Variants in L3MBTL4 observed in about 807,000 individuals in gnomAD.
L3MBTL4 encodes L3MBTL histone methyl-lysine binding protein 4, also known as lethal(3)malignant brain tumor-like protein 4.
In L3MBTL4, 70 loss-of-function variants were observed where a neutral mutation model predicts 84.5. That is an observed-to-expected ratio of 0.83 (90% CI 0.68 to 1.01). The LOEUF (loss-of-function observed/expected upper bound fraction) is 1.01, where lower values mean the gene tolerates loss of function less well. Ranked by LOEUF, L3MBTL4 falls within the 50% of genes least tolerant of loss-of-function variation. L3MBTL4 has a pLI of 0.00. For synonymous variants in L3MBTL4, 274 were observed against 259.8 expected (o/e 1.05, Z -0.52); for missense variants, 715 against 754.8 (o/e 0.95, Z 0.62).
chr18:5,961,359 C>A (rs1233663469), intron 17 of L3MBTL4, among the ~76,000 whole-genome samples: 1 of 152,216 alleles, frequency 6.6e-6, no homozygotes, highest in Non-Finnish European at 1.5e-5. Flanking sequence ...TCAGGGCCAA[C>A]TCCCTCAGGG....
intron 1 of L3MBTL4, among the ~76,000 whole-genome samples, chr18:6,393,577 A>G (rs1044547013): frequency 1.3e-5 from 2 of 152,210 alleles, no homozygotes; most frequent in African/African-American, 4.8e-5. Flanking sequence ...TCAGGCGGCA[A>G]CACTCTCAGG....
At chr18:6,380,597 G>A (rs528091157) in intron 1 of L3MBTL4, among the ~76,000 whole-genome samples, 1 of 152,286 alleles carries the variant, frequency 6.6e-6, no homozygotes, top group Admixed American at 6.5e-5. Flanking sequence ...TCGGGAGCAG[G>A]TTGTTCAGTT....
intron 4 of L3MBTL4, among the ~76,000 whole-genome samples, chr18:6,283,156 C>A (rs2601551): frequency 0.032 from 4,824 of 152,226 alleles, 212 homozygotes; most frequent in African/African-American, 0.1. Context: ...TTTTATAATC[C>A]TATATATCTG....
rs552232511 is a variant in L3MBTL4, at chr18:6,204,420, T to C, written c.981+8729A>G. On this transcript the variant is annotated intron_variant, in intron 12 of 18. Transcript: ENST00000317931. ...TGAGCCCTGATGGCTCCAGCAGCCG[T>C]GTAACTCCCCATGATTCCTCTGGTC... Among the ~76,000 whole-genome samples the C allele has an allele frequency of 1.3e-4, 20 of 152,308 alleles. 1 individual carries two copies. The South Asian group carries it at 2.7e-3, about 21-fold the overall frequency.
At chr18:6,397,250 C>G (rs2055311254) in intron 1 of L3MBTL4, 1 of 152,080 alleles carries the variant, frequency 6.6e-6, no homozygotes, top group Non-Finnish European at 1.5e-5. Context: ...CTGCAGAGTT[C>G]ACAGAAAAAA....
intron 14 of L3MBTL4, among the ~76,000 whole-genome samples, chr18:6,119,797 G>GA (rs775585145): frequency 2.0e-5 from 3 of 151,970 alleles, no homozygotes; most frequent in Non-Finnish European, 2.9e-5. Flanking sequence ...CTCATAGAAA[G>GA]AAAAAACATT....
chr18:6,028,968 CT>C (rs2055645498), intron 16 of L3MBTL4, among the ~76,000 whole-genome samples: 1 of 152,066 alleles, frequency 6.6e-6, no homozygotes, highest in African/African-American at 2.4e-5. Context: ...TAAAATAATA[CT>C]CCATACCTTT....
chr18:6,213,535 C>T (rs1249342120), intron 11 of L3MBTL4, among the ~76,000 whole-genome samples: 1 of 152,172 alleles, frequency 6.6e-6, no homozygotes, highest in Non-Finnish European at 1.5e-5. Context: ...GCCTCAGCCT[C>T]CCAAGTAGCT....
intron 1 of L3MBTL4, among the ~76,000 whole-genome samples, chr18:6,389,969 C>T (rs544355040): frequency 1.3e-5 from 2 of 152,278 alleles, no homozygotes; most frequent in Non-Finnish European, 2.9e-5. Flanking sequence ...ATCTACAGAA[C>T]ATTTTACCCA....
chr18:6,209,778 G>T (rs2046028215), intron 12 of L3MBTL4, among the ~76,000 whole-genome samples: 1 of 152,128 alleles, frequency 6.6e-6, no homozygotes, highest in Non-Finnish European at 1.5e-5. Context: ...ATAAAATGTG[G>T]TATATCCATA....
intron 4 of L3MBTL4, among the ~76,000 whole-genome samples, chr18:6,297,489 G>A (rs1463751439): frequency 6.6e-6 from 1 of 152,068 alleles, no homozygotes; most frequent in Admixed American, 6.6e-5. Flanking sequence ...GGGTATGCAG[G>A]ACTATTTCTA....
intron 16 of L3MBTL4, among the ~76,000 whole-genome samples, chr18:6,063,334 TG>T: frequency 6.6e-6 from 1 of 151,304 alleles, no homozygotes; most frequent in East Asian, 1.9e-4. Context: ...TGTGTGTGTG[TG>T]TGTATCTTTT....
At chr18:6,199,986 G>A (rs1418966002) in intron 12 of L3MBTL4, among the ~76,000 whole-genome samples, 1 of 152,230 alleles carries the variant, frequency 6.6e-6, no homozygotes, top group Middle Eastern at 3.2e-3. Context: ...TGCCAGCCCA[G>A]TGATGGACAA....
At chr18:6,412,989 G>T (rs963882768) in intron 1 of L3MBTL4, among the ~76,000 whole-genome samples, 1 of 152,146 alleles carries the variant, frequency 6.6e-6, no homozygotes, top group African/African-American at 2.4e-5. Flanking sequence ...TCAATAGGCT[G>T]AGGCGGGATC....
chr18:6,300,440 A>G (rs1160884843), intron 4 of L3MBTL4, among the ~76,000 whole-genome samples: 1 of 152,212 alleles, frequency 6.6e-6, no homozygotes, highest in Non-Finnish European at 1.5e-5. Context: ...AACAAGTCCA[A>G]CAATGAAAAA....
chr18:6,320,392 AGTCTCCT>A (rs1184420423), intron 1 of L3MBTL4, among the ~76,000 whole-genome samples: 1 of 152,138 alleles, frequency 6.6e-6, no homozygotes, highest in Admixed American at 6.5e-5. Flanking sequence ...CTCCTCCAGA[AGTCTCCT>A]AGATTTGATA....
intron 1 of L3MBTL4, among the ~76,000 whole-genome samples, chr18:6,390,504 AACAAAGAT>A (rs2055000928): frequency 6.6e-6 from 1 of 152,148 alleles, no homozygotes; most frequent in South Asian, 2.1e-4. Context: ...GAAATTGAAA[AACAAAGAT>A]ACAAAAGATC....
intron 16 of L3MBTL4, among the ~76,000 whole-genome samples, chr18:5,996,386 A>G (rs1349006658): frequency 6.6e-6 from 1 of 152,202 alleles, no homozygotes; most frequent in Non-Finnish European, 1.5e-5. Context: ...CTCAAAGAGC[A>G]TGTTTATGTA....
intron 13 of L3MBTL4, among the ~76,000 whole-genome samples, chr18:6,146,451 G>C (rs1032992658): frequency 6.6e-6 from 1 of 152,130 alleles, no homozygotes; most frequent in Non-Finnish European, 1.5e-5. Context: ...TAGAGGAAGC[G>C]CTACGAGGAA....
Sources: gnomAD v4.1 joint callset for allele counts (sites outside exome capture counted in the v4.1 genomes callset) on GRCh38, gnomAD v4.1.1 for gene constraint, MANE v1.5 for transcripts, NCBI Gene and HGNC (gene_info 2026-07-23, HGNC 2026-07-21) for gene names.